The following LTN1 variants were observed in gnomAD, a reference collection of about 807,000 sequenced individuals.
The protein encoded by LTN1 is listerin E3 ubiquitin protein ligase 1, also known as E3 ubiquitin-protein ligase listerin.
LTN1 carries 88 observed loss-of-function variants against 201.2 expected under a neutral mutation model. That is an observed-to-expected ratio of 0.44 (90% CI 0.37 to 0.52). The LOEUF is 0.52. Among genes scored for constraint, LTN1 ranks in the 20% least tolerant of loss-of-function variants. LTN1 has a pLI of 0.00. For synonymous variants in LTN1, 645 were observed against 713.5 expected (o/e 0.90, Z 1.53); for missense variants, 1,752 against 2,038.7 (o/e 0.86, Z 2.71).
chr21:28,967,264 TC>T, intron 9 of LTN1, 85 bp from the exon 10 acceptor site: 3 of 942,496 alleles, frequency 3.2e-6, no homozygotes, highest in Non-Finnish European at 4.7e-6. Flanking sequence ...ATCCTTGGAA[TC>T]TCCAAAGTGA....
rs146592581 is a variant in LTN1, at chr21:28,956,082, G to C, written c.3079+680C>G. Among the ~76,000 whole-genome samples, 40 of 152,222 alleles carry C rather than the reference G, an allele frequency of 2.6e-4. No homozygotes were observed. In the East Asian group the frequency reaches 6.6e-3, roughly 25 times the overall value. On this transcript the variant is annotated intron_variant, in intron 16 of 29. Coordinates refer to ENST00000361371, the MANE Select transcript of LTN1 (RefSeq NM_015565.3). ...GAGCTAAAAAAGTGGATCTCATGAA[G>C]ATAGAATAGTATAGTAGACTGATGG... is the stretch of plus-strand genomic sequence containing the variant.
intron 9 of LTN1, among the ~76,000 whole-genome samples, chr21:28,969,145 C>T (rs1355275792): frequency 5.3e-5 from 8 of 151,556 alleles, no homozygotes; most frequent in Non-Finnish European, 7.4e-5. Flanking sequence ...AGCTTGAACC[C>T]GGGAGGCAGA....
chr21:28,980,969 C>G (rs537539414), intron 6 of LTN1, 150 bp downstream of exon 6: 4 of 457,160 alleles, frequency 8.7e-6, no homozygotes, highest in Non-Finnish European at 1.5e-5. Context: ...GAGTAACATT[C>G]TAGTAAGAGA....
chr21:28,931,993 A>G (rs1005355182), intron 28 of LTN1, among the ~76,000 whole-genome samples: 3 of 151,632 alleles, frequency 2.0e-5, no homozygotes, highest in African/African-American at 7.3e-5. Flanking sequence ...ACAAGAGCAA[A>G]AACTCTTAAA....
chr21:28,953,749 T>A (rs2084402666), intron 16 of LTN1, among the ~76,000 whole-genome samples: 2 of 151,912 alleles, frequency 1.3e-5, no homozygotes, highest in South Asian at 4.1e-4. Context: ...TCATGGCAAA[T>A]GGGAGAAATG....
At chr21:28,982,503 G>T in intron 4 of LTN1, 135 bp from the exon 5 acceptor site, 1 of 654,998 alleles carries the variant, frequency 1.5e-6, no homozygotes, top group Non-Finnish European at 2.7e-6. Context: ...GAATCAAATA[G>T]CAAAACTGAA....
Position 28,966,823 on chromosome 21 carries a change from T to G in LTN1, c.1668A>C (p.Val556=). 1 of 1,612,154 alleles carries G rather than the reference T, an allele frequency of 6.2e-7. No homozygotes were observed. The highest frequency in any genetic ancestry group is 8.5e-7 in the Non-Finnish European group (1 of 1,179,470). The change falls in exon 10 of 30, where the codon GTA becomes GTC. Residue 556 remains valine (V), a synonymous_variant. Transcript: ENST00000361371. ...CTTCAATCTTCTCTCCTTCTGAAGA[T>G]ACACATTTTTCATTCTCTTTATTGC... ...LESNKENEKC[V]SSEGEKIEGW...
chr21:28,960,812 A>G (rs1475220999), intron 11 of LTN1, 106 bp from the exon 12 acceptor site: 3 of 722,174 alleles, frequency 4.2e-6, no homozygotes, highest in African/African-American at 1.8e-5. Context: ...CATGGCTCCA[A>G]TTCTATCCCC....
At chr21:28,962,546 C>T (rs1191941767) in intron 11 of LTN1, among the ~76,000 whole-genome samples, 2 of 152,214 alleles carry the variant, frequency 1.3e-5, no homozygotes, top group Non-Finnish European at 2.9e-5. Context: ...TGTGTTCTGA[C>T]TGCCCCGCTG....
intron 12 of LTN1, chr21:28,959,946 T>C: frequency 3.1e-6 from 1 of 323,208 alleles, no homozygotes; most frequent in East Asian, 6.2e-5. Context: ...TGAAAACCCT[T>C]TAAGTCATGA....
intron 16 of LTN1, among the ~76,000 whole-genome samples, chr21:28,956,362 A>C (rs1348805011): frequency 2.6e-5 from 4 of 152,240 alleles, no homozygotes; most frequent in Non-Finnish European, 5.9e-5. Flanking sequence ...ATATATCAAA[A>C]TATCACATGT....
chr21:28,945,800 A>T lies in LTN1; in HGVS notation c.3768+7T>A. 6.2e-7 allele frequency: 1 copy of T among 1,611,386 alleles called. No individual in the cohort carries two copies. The highest frequency in any genetic ancestry group is 8.5e-7 in the Non-Finnish European group (1 of 1,178,560). On this transcript the variant is annotated splice_region_variant and intron_variant, in intron 21 of 29. Transcript: ENST00000361371. ...ACAAGAGGTGATGACATATCGGGTT[A>T]ATTTACCTCCAACCAAGCCAACATG...
intron 11 of LTN1, among the ~76,000 whole-genome samples, chr21:28,963,392 T>C (rs909220312): frequency 6.6e-6 from 1 of 152,208 alleles, no homozygotes; most frequent in Admixed American, 6.5e-5. Context: ...CTAAATCTAC[T>C]TTGCCTGTGC....
chr21:28,987,918 C>A (rs1236326632), intron 1 of LTN1, among the ~76,000 whole-genome samples: 6 of 151,112 alleles, frequency 4.0e-5, no homozygotes, highest in Non-Finnish European at 8.9e-5. Flanking sequence ...CCAAGGCGGG[C>A]AGATCACGAG....
At chr21:28,961,256 T>C (rs1458254259) in intron 11 of LTN1, 1 of 152,376 alleles carries the variant, frequency 6.6e-6, no homozygotes, top group African/African-American at 2.4e-5. Flanking sequence ...GCTCTATAAA[T>C]TTTTGTTCAT....
At chr21:28,955,406 G>A (rs752096389) in intron 16 of LTN1, among the ~76,000 whole-genome samples, 41 of 132,198 alleles carry the variant, frequency 3.1e-4, no homozygotes, top group Non-Finnish European at 1.1e-4. Context: ...TTTGGAAAAC[G>A]ATATGGAAGT....
intron 26 of LTN1, among the ~76,000 whole-genome samples, chr21:28,935,771 CGGA>C (rs2084251070): frequency 6.8e-6 from 1 of 146,470 alleles, no homozygotes; most frequent in Admixed American, 7.1e-5. Flanking sequence ...ACCCGGAAGG[CGGA>C]GCTTGCAGTG....
At chr21:28,938,288 C>CTT (rs1485980624) in intron 25 of LTN1, among the ~76,000 whole-genome samples, 1 of 152,010 alleles carries the variant, frequency 6.6e-6, no homozygotes, top group Non-Finnish European at 1.5e-5. Flanking sequence ...GAGATATATG[C>CTT]TTAAATACTT....
At chr21:28,958,313 G>T in intron 14 of LTN1, 73 bp downstream of exon 14, 1 of 1,416,702 alleles carries the variant, frequency 7.1e-7, no homozygotes, top group Non-Finnish European at 9.6e-7. Context: ...CACTCACACT[G>T]ATCATGGAAT....
Sources: allele counts gnomAD v4.1 joint callset (sites outside exome capture counted in the v4.1 genomes callset), GRCh38; gene constraint gnomAD v4.1.1; transcripts MANE v1.5; gene names NCBI Gene and HGNC (gene_info 2026-07-23, HGNC 2026-07-21).